Variants in SMURF1 observed in about 807,000 individuals in gnomAD.
SMURF1 encodes the protein SMAD specific E3 ubiquitin protein ligase 1.
SMURF1 carries 44 observed loss-of-function variants against 98.0 expected under a neutral mutation model. The ratio of observed to expected loss-of-function variants is 0.45; its 90% CI spans 0.35 to 0.58. The LOEUF is 0.58. SMURF1 is among the 20% of genes least tolerant of loss of function. The pLI is 0.00. For missense variants in SMURF1, 687 were observed against 938.4 expected (o/e 0.73, Z 3.50); for synonymous variants, 396 against 374.9 (o/e 1.06, Z -0.65).
At chr7:99,131,362 A>G (rs1164160648) in intron 1 of SMURF1, among the ~76,000 whole-genome samples, 2 of 152,128 alleles carry the variant, frequency 1.3e-5, no homozygotes, top group African/African-American at 2.4e-5. Flanking sequence ...GAATTTAACT[A>G]TCTTTATTAT....
intron 1 of SMURF1, among the ~76,000 whole-genome samples, chr7:99,127,103 A>G (rs1443767901): frequency 6.6e-6 from 1 of 152,190 alleles, no homozygotes; most frequent in Non-Finnish European, 1.5e-5. Context: ...GAAGTGGGAC[A>G]ACTCACTTCT....
At chr7:99,046,754 A>C (rs1554438866) in intron 10 of SMURF1, among the ~76,000 whole-genome samples, 5 of 147,810 alleles carry the variant, frequency 3.4e-5, no homozygotes, top group South Asian at 2.1e-4. Context: ...AAAAAAAAAA[A>C]CCCAAACAAA....
chr7:99,046,364 G>GTT (rs1795574552), intron 10 of SMURF1, among the ~76,000 whole-genome samples: 1 of 152,174 alleles, frequency 6.6e-6, no homozygotes, highest in Admixed American at 6.5e-5. Flanking sequence ...GCCGCTACGT[G>GTT]TTTATAGATG....
intron 3 of SMURF1, among the ~76,000 whole-genome samples, chr7:99,058,082 CGAT>C (rs1426798424): frequency 6.6e-6 from 1 of 152,064 alleles, no homozygotes; most frequent in Non-Finnish European, 1.5e-5. Flanking sequence ...GATAACCACA[CGAT>C]GATAATAATC....
intron 1 of SMURF1, among the ~76,000 whole-genome samples, chr7:99,070,707 C>T (rs982441635): frequency 3.3e-5 from 5 of 151,882 alleles, no homozygotes; most frequent in African/African-American, 9.7e-5. Context: ...AGAAGGCAGA[C>T]GCTGCCTTCT....
intron 1 of SMURF1, among the ~76,000 whole-genome samples, chr7:99,122,252 C>T (rs1425360015): frequency 8.7e-5 from 13 of 150,118 alleles, no homozygotes; most frequent in African/African-American, 2.7e-4. Flanking sequence ...CGCTTGAACC[C>T]GGGAGGCAGA....
At chr7:99,096,627 T>A (rs932544058) in intron 1 of SMURF1, among the ~76,000 whole-genome samples, 1 of 152,206 alleles carries the variant, frequency 6.6e-6, no homozygotes, top group Non-Finnish European at 1.5e-5. Context: ...CAATCCTATA[T>A]GTGTTTGTAC....
At chr7:99,113,837 T>TAAAAAAAAAAA (rs71118659) in intron 1 of SMURF1, among the ~76,000 whole-genome samples, 1 of 33,950 alleles carries the variant, frequency 2.9e-5, no homozygotes, top group African/African-American at 1.5e-4. Flanking sequence ...AGACTCCGTC[T>TAAAAAAAAAAA]AAAAAAAAAA....
intron 1 of SMURF1, among the ~76,000 whole-genome samples, chr7:99,078,618 C>G (rs1796515785): frequency 6.6e-6 from 1 of 151,834 alleles, no homozygotes; most frequent in African/African-American, 2.4e-5. Context: ...ACTGGCATTA[C>G]TGCCTTAGCT....
At chr7:99,067,158 C>A (rs771066203) in intron 1 of SMURF1, among the ~76,000 whole-genome samples, 1 of 151,720 alleles carries the variant, frequency 6.6e-6, no homozygotes, top group African/African-American at 2.4e-5. Flanking sequence ...CCACCATGCC[C>A]GGCTAATTTT....
chr7:99,112,302 C>T (rs897489517), intron 1 of SMURF1, among the ~76,000 whole-genome samples: 3 of 152,326 alleles, frequency 2.0e-5, no homozygotes, highest in African/African-American at 7.2e-5. Flanking sequence ...ACAACATACA[C>T]ACAGCCCATC....
chr7:99,060,771 CA>C, intron 2 of SMURF1, 64 bp from the exon 3 acceptor site: 3 of 1,063,686 alleles, frequency 2.8e-6, no homozygotes, highest in Non-Finnish European at 4.2e-6. Context: ...ACACAGAACA[CA>C]CAATTCGTGT....
chr7:99,075,415 G>T (rs1226590456), intron 1 of SMURF1, among the ~76,000 whole-genome samples: 8 of 152,096 alleles, frequency 5.3e-5, no homozygotes, highest in Non-Finnish European at 1.2e-4. Flanking sequence ...CAGGCCTCTA[G>T]CAAATTACTG....
chr7:99,141,998 G>C (rs1028905757), intron 1 of SMURF1, among the ~76,000 whole-genome samples: 15 of 152,222 alleles, frequency 9.9e-5, no homozygotes, highest in Admixed American at 5.9e-4. Context: ...AGCCGCATTT[G>C]CAACACGGCC....
intron 1 of SMURF1, among the ~76,000 whole-genome samples, chr7:99,131,681 T>C (rs1334927099): frequency 1.3e-5 from 2 of 152,136 alleles, no homozygotes; most frequent in East Asian, 3.8e-4. Flanking sequence ...TGTGCCATTG[T>C]ACTCCAGCCT....
intron 1 of SMURF1, among the ~76,000 whole-genome samples, chr7:99,075,743 CTTATTA>C (rs922879295): frequency 6.6e-6 from 1 of 151,942 alleles, no homozygotes; most frequent in Admixed American, 6.6e-5. Context: ...AGGGTTGAGA[CTTATTA>C]TTATTCTTTT....
In SMURF1 at chr7:99,057,503, C is replaced by G; in HGVS notation, c.252G>C (p.Lys84Asn). Reference sequence around the variant, plus strand: ...CAGCTCCCTGTTTCTTGTGAATTTTCTTATGGTTCCACACGCTAATGGTTA... The same window carrying G: ...CAGCTCCCTGTTTCTTGTGAATTTTGTTATGGTTCCACACGCTAATGGTTA... ...DSITISVWNH[K>N]KIHKKQGAGF... is the part of the protein sequence containing the mutation. Residue 84 changes from lysine (K) to asparagine (N), a missense_variant, in exon 4 of 18, where the codon AAG becomes AAC. Lys to Asn is a moderately conservative substitution (Grantham distance 94, BLOSUM62 0). Coordinates refer to ENST00000361368, the MANE Select transcript of SMURF1 (RefSeq NM_181349.3). The G allele has an allele frequency of 6.3e-7, 1 of 1,587,922 alleles. No individual in the cohort carries two copies. The highest frequency in any genetic ancestry group is 8.5e-7 in the Non-Finnish European group (1 of 1,173,912).
chr7:99,137,157 G>A (rs533761131), intron 1 of SMURF1, among the ~76,000 whole-genome samples: 6 of 152,044 alleles, frequency 3.9e-5, no homozygotes, highest in African/African-American at 7.2e-5. Flanking sequence ...GTCAAAGTAC[G>A]TTATTAGCTT....
At chr7:99,053,719 A>C (rs1457089798) in intron 6 of SMURF1, among the ~76,000 whole-genome samples, 1 of 152,112 alleles carries the variant, frequency 6.6e-6, no homozygotes, top group African/African-American at 2.4e-5. Context: ...GAGGTGTGTT[A>C]ATGTTGGATC....
Sources: allele counts gnomAD v4.1 joint callset (sites outside exome capture counted in the v4.1 genomes callset), GRCh38; gene constraint gnomAD v4.1.1; transcripts MANE v1.5; gene names NCBI Gene and HGNC (gene_info 2026-07-23, HGNC 2026-07-21).